GLI3: variants seen among roughly 807,000 people sequenced by gnomAD.
GLI3 encodes GLI family zinc finger 3.
In GLI3, 20 loss-of-function variants were observed where a neutral mutation model predicts 100.8. That is an observed-to-expected ratio of 0.20 (90% CI 0.14 to 0.29). GLI3 has a LOEUF of 0.29. Ranked by LOEUF, GLI3 falls within the 10% of genes least tolerant of loss-of-function variation. The pLI is 1.00. For missense variants in GLI3, 2,040 were observed against 2,128.5 expected (o/e 0.96, Z 0.82); for synonymous variants, 938 against 860.5 (o/e 1.09, Z -1.58).
chr7:41,964,429 T>G lies in GLI3; in HGVS notation c.4644A>C (p.Pro1548=). The change falls in exon 15 of 15, where the codon CCA becomes CCC. Residue 1548 remains proline, a synonymous_variant. Coordinates refer to ENST00000395925, the MANE Select transcript of GLI3 (RefSeq NM_000168.6). ...LTTPRASLPF[P]ALSMSTTNMA... ...TGTTGGTGGTGCTCATGGACAGCGC[T>G]GGGAATGGGAGGGACGCCCGAGGCG... 2 of 1,614,094 alleles carry G rather than the reference T, an allele frequency of 1.2e-6. No homozygotes were observed. The highest frequency in any genetic ancestry group is 1.7e-6 in the Non-Finnish European group (2 of 1,179,976).
At chr7:42,182,660 A>ATATATATATATATACATGTGTGTGTGTG (rs1554337055) in intron 2 of GLI3, among the ~76,000 whole-genome samples, 8 of 59,104 alleles carry the variant, frequency 1.4e-4, no homozygotes, top group Admixed American at 1.1e-3. Context: ...ATATATATAT[A>ATATATATATATATACATGTGTGTGTGTG]TATATATATA....
chr7:42,142,126 C>T (rs901743509), intron 3 of GLI3, among the ~76,000 whole-genome samples: 2 of 152,126 alleles, frequency 1.3e-5, no homozygotes, highest in South Asian at 2.1e-4. Flanking sequence ...CAAGTGTCCA[C>T]GGTAGGAAAA....
At chr7:42,182,662 A>ATATATATATACGTGTGTG (rs1554337072) in intron 2 of GLI3, among the ~76,000 whole-genome samples, 1 of 76,742 alleles carries the variant, frequency 1.3e-5, no homozygotes, top group African/African-American at 6.7e-5. Context: ...ATATATATAT[A>ATATATATATACGTGTGTG]TATATATATA....
intron 7 of GLI3, among the ~76,000 whole-genome samples, chr7:42,032,682 A>G (rs1400294742): frequency 6.6e-6 from 1 of 152,220 alleles, no homozygotes; most frequent in Non-Finnish European, 1.5e-5. Context: ...TAAATAAAGC[A>G]GCATAATATG....
chr7:42,126,246 C>A (rs1786128447), intron 3 of GLI3, among the ~76,000 whole-genome samples: 2 of 152,340 alleles, frequency 1.3e-5, no homozygotes, highest in African/African-American at 4.8e-5. Flanking sequence ...AGGAAAACTG[C>A]TGTGATCAAA....
chr7:42,042,115 C>T (rs183921246), intron 6 of GLI3, among the ~76,000 whole-genome samples: 185 of 150,922 alleles, frequency 1.2e-3, no homozygotes, highest in African/African-American at 4.1e-3. Flanking sequence ...CGAGTTCAAG[C>T]GATTCTTCTG....
At chr7:42,158,230 T>C (rs1376877333) in intron 2 of GLI3, among the ~76,000 whole-genome samples, 3 of 152,232 alleles carry the variant, frequency 2.0e-5, no homozygotes, top group South Asian at 2.1e-4. Flanking sequence ...GCCAGTGCTA[T>C]GTGCTCCACA....
chr7:42,242,866 T>C (rs918869905), upstream of GLI3, among the ~76,000 whole-genome samples: 1 of 152,166 alleles, frequency 6.6e-6, no homozygotes, highest in African/African-American at 2.4e-5. Context: ...TCTATTTTGT[T>C]ACAAAAGAGA....
At chr7:42,057,372 G>C (rs1784484351) in intron 4 of GLI3, among the ~76,000 whole-genome samples, 1 of 152,160 alleles carries the variant, frequency 6.6e-6, no homozygotes, top group Non-Finnish European at 1.5e-5. Context: ...AGGCCAACAG[G>C]AACTCTCAAT....
At chr7:42,173,884 G>A (rs1470213488) in intron 2 of GLI3, among the ~76,000 whole-genome samples, 1 of 152,120 alleles carries the variant, frequency 6.6e-6, no homozygotes, top group Admixed American at 6.5e-5. Flanking sequence ...ATTTTATGCT[G>A]GGCACAAGCT....
In GLI3 at chr7:41,966,145, C is replaced by T. The variant is rs767210981; in HGVS notation, c.2928G>A (p.Pro976=). 4.1e-5 allele frequency: 65 copies of T among 1,594,830 alleles called. No individual in the cohort carries two copies. Among genetic ancestry groups the T allele is most frequent in the East Asian group, 9.0e-5 (4 of 44,356 alleles). Residue 976 remains proline, a synonymous_variant, in exon 15 of 15, where the codon CCG becomes CCA. Coordinates refer to ENST00000395925, the MANE Select transcript of GLI3 (RefSeq NM_000168.6). This position sits in a 1 kb window ranked among gnomAD's most constrained non-coding sequence, Gnocchi z 5.8. ...GGGCTCCCCCGTCGCTGCACCTCCT[C>T]GGGGCATGAACTGGAGGCAGGGCCA... ...PGVALPPVHA[P]RRCSDGGAHG...
rs143720936 is a variant in GLI3, at chr7:42,133,557, G to T, written c.367+14669C>A. ...CCCACTGAATCCTGACTCTTTTCAG[G>T]AGTGGGGCCAATCACAGCTTTCCTA... On this transcript the variant is annotated intron_variant, in intron 3 of 14. Coordinates refer to ENST00000395925, the MANE Select transcript of GLI3 (RefSeq NM_000168.6). Among the ~76,000 whole-genome samples, 199 of 151,288 alleles carry T rather than the reference G, an allele frequency of 1.3e-3. No homozygotes were observed. In the Middle Eastern group the frequency reaches 0.014, roughly 10 times the overall value.
At chr7:42,062,918 T>C (rs1216528748) in intron 4 of GLI3, among the ~76,000 whole-genome samples, 1 of 152,154 alleles carries the variant, frequency 6.6e-6, no homozygotes, top group Non-Finnish European at 1.5e-5. Flanking sequence ...ACTGAATATT[T>C]TTCATTCAGG....
chr7:42,128,749 C>A (rs1417344451), intron 3 of GLI3, among the ~76,000 whole-genome samples: 1 of 151,960 alleles, frequency 6.6e-6, no homozygotes, highest in East Asian at 1.9e-4. Flanking sequence ...GGGTGAGAAC[C>A]AAGACATCAG....
intron 3 of GLI3, among the ~76,000 whole-genome samples, chr7:42,138,808 C>T (rs1786491953): frequency 6.6e-6 from 1 of 152,230 alleles, no homozygotes; most frequent in Non-Finnish European, 1.5e-5. Flanking sequence ...AATCAGGATG[C>T]AGATCTGGGT....
Position 42,217,772 on chromosome 7 carries a change from T to C in GLI3, c.124+5358A>G, listed in dbSNP as rs1238686996. ...CATCTGAGTCCAGCAAATTCACCATTACTTTTGGCAAACATATTTCCCTTA... is the reference window on the plus strand; with the variant it reads ...CATCTGAGTCCAGCAAATTCACCATCACTTTTGGCAAACATATTTCCCTTA... On this transcript the variant is annotated intron_variant, in intron 2 of 14. Coordinates refer to ENST00000395925, the MANE Select transcript of GLI3 (RefSeq NM_000168.6). Among the ~76,000 whole-genome samples, 5 of 152,380 alleles carry C rather than the reference T, an allele frequency of 3.3e-5. No homozygotes were observed. In the East Asian group the frequency reaches 9.6e-4, roughly 29 times the overall value.
intron 1 of GLI3, among the ~76,000 whole-genome samples, chr7:42,236,584 G>T (rs926809029): frequency 1.3e-5 from 2 of 152,150 alleles, no homozygotes; most frequent in African/African-American, 2.4e-5. Context: ...AGCCCGAGCC[G>T]TAGAGCGCCA....
chr7:42,138,085 C>T (rs1021738978), intron 3 of GLI3, among the ~76,000 whole-genome samples: 1 of 152,162 alleles, frequency 6.6e-6, no homozygotes, highest in African/African-American at 2.4e-5. Flanking sequence ...AGAACAAGAA[C>T]CTGATTTGTT....
At chr7:42,160,507 A>G (rs1787108080) in intron 2 of GLI3, among the ~76,000 whole-genome samples, 1 of 152,200 alleles carries the variant, frequency 6.6e-6, no homozygotes, top group African/African-American at 2.4e-5. Context: ...TATGAAACAA[A>G]GTTTTGACAG....
Sources: gnomAD v4.1 joint callset for allele counts (sites outside exome capture counted in the v4.1 genomes callset) on GRCh38, gnomAD v4.1.1 for gene constraint, Gnocchi (gnomAD v3.1) non-coding constraint, MANE v1.5 for transcripts, NCBI Gene and HGNC (gene_info 2026-07-23, HGNC 2026-07-21) for gene names.